The following MYO1E variants were observed in gnomAD, a reference collection of about 807,000 sequenced individuals.
MYO1E encodes unconventional myosin-Ie.
MYO1E carries 68 observed loss-of-function variants against 151.1 expected under a neutral mutation model. The ratio of observed to expected loss-of-function variants is 0.45; its 90% CI spans 0.37 to 0.55. MYO1E has a LOEUF of 0.55. MYO1E is among the 20% of genes least tolerant of loss of function. The pLI is 0.00. For missense variants in MYO1E, 1,363 were observed against 1,389.3 expected, an observed-to-expected ratio of 0.98 and a Z score of 0.30; for synonymous variants, 601 against 501.7, an observed-to-expected ratio of 1.20 and a Z score of -2.64.
chr15:59,265,967 TA>T (rs1566996329), intron 2 of MYO1E, among the ~76,000 whole-genome samples: 1 of 151,004 alleles, frequency 6.6e-6, no homozygotes, highest in Non-Finnish European at 1.5e-5. Flanking sequence ...TAAAATAAAA[TA>T]AAAAATTTAA....
intron 5 of MYO1E, among the ~76,000 whole-genome samples, chr15:59,236,111 G>T (rs2080061327): frequency 6.6e-6 from 1 of 151,918 alleles, no homozygotes; most frequent in Non-Finnish European, 1.5e-5. Flanking sequence ...GGAGGCCGAG[G>T]AGGGCAGATC....
intron 1 of MYO1E, among the ~76,000 whole-genome samples, chr15:59,300,987 C>A (rs961070576): frequency 1.1e-4 from 16 of 151,354 alleles, no homozygotes; most frequent in Non-Finnish European, 1.8e-4. Context: ...CCTGCCTCAG[C>A]CTCTGGAGTA....
intron 2 of MYO1E, among the ~76,000 whole-genome samples, chr15:59,267,834 A>G (rs1224172136): frequency 1.3e-5 from 2 of 152,250 alleles, no homozygotes; most frequent in Non-Finnish European, 2.9e-5. Flanking sequence ...AACATTGATG[A>G]CAAACAGATG....
intron 1 of MYO1E, among the ~76,000 whole-genome samples, chr15:59,321,066 G>GT (rs1456560239): frequency 1.3e-5 from 2 of 152,040 alleles, no homozygotes; most frequent in African/African-American, 4.8e-5. Flanking sequence ...CGTACAAACT[G>GT]TTAAAAAAAT....
chr15:59,182,754 C>T (rs1364562095), intron 18 of MYO1E, among the ~76,000 whole-genome samples: 2 of 152,162 alleles, frequency 1.3e-5, no homozygotes, highest in Admixed American at 1.3e-4. Context: ...ATGAAGCTGG[C>T]ATGGCACTCG....
At chr15:59,194,078 G>A (rs1388330446) in intron 17 of MYO1E, among the ~76,000 whole-genome samples, 1 of 152,056 alleles carries the variant, frequency 6.6e-6, no homozygotes, top group Non-Finnish European at 1.5e-5. Context: ...GGAGGCTGAG[G>A]CAGGAGAATC....
rs755931407 is a variant in MYO1E, at chr15:59,207,965, G to C, written c.1530+716C>G. ...GAAGAAGTATTCCTCAGTATTCCTTGTATCCTGGGAGAGAACGGTATTACC... is the reference window on the plus strand; with the variant it reads ...GAAGAAGTATTCCTCAGTATTCCTTCTATCCTGGGAGAGAACGGTATTACC... On this transcript the variant is annotated intron_variant, in intron 14 of 27. Transcript: ENST00000288235. 5 of 1,614,070 alleles carry C rather than the reference G, an allele frequency of 3.1e-6. No homozygotes were observed. In the East Asian group the frequency reaches 1.1e-4, roughly 36 times the overall value.
chr15:59,227,382 C>G, intron 7 of MYO1E, 77 bp downstream of exon 7: 3 of 1,572,676 alleles, frequency 1.9e-6, no homozygotes, highest in Non-Finnish European at 2.6e-6. Flanking sequence ...AGACTATAGT[C>G]TATGCCTGAA....
intron 1 of MYO1E, among the ~76,000 whole-genome samples, chr15:59,299,857 A>C (rs2080471705): frequency 1.3e-5 from 2 of 152,326 alleles, no homozygotes; most frequent in East Asian, 3.9e-4. Flanking sequence ...ATTTAAATTA[A>C]GTTGATTAGA....
rs762819433 is a variant in MYO1E, at chr15:59,174,156, G to A, written c.2134C>T (p.Arg712Trp). 57 of 1,613,576 alleles carry A rather than the reference G, an allele frequency of 3.5e-5. No individual in the cohort carries two copies. The highest frequency in any genetic ancestry group is 4.5e-5 in the Non-Finnish European group (53 of 1,179,862). ...IQKSWRKFVA[R>W]KKYVQMREEA... ...TCTCTCATTTGAACGTATTTCTTCC[G>A]GGCCACGAATTTCCTCCATGATTTC... Residue 712 changes from arginine to tryptophan, a missense_variant, in exon 20 of 28, where the codon CGG becomes TGG. Arg to Trp is a moderately radical substitution (Grantham distance 101, BLOSUM62 -3). Transcript: ENST00000288235.
rs149905552 is a variant in MYO1E, at chr15:59,151,347, T to G, written c.3080+2243A>C. ...CAGGAGGTTGACGCAGGACAGTCACTTGAACCCAGGACATGGAGGTTGCAG... is the reference window on the plus strand; with the variant it reads ...CAGGAGGTTGACGCAGGACAGTCACGTGAACCCAGGACATGGAGGTTGCAG... On this transcript the variant is annotated intron_variant, in intron 26 of 27. Coordinates refer to ENST00000288235, the MANE Select transcript of MYO1E (RefSeq NM_004998.4). 7.3e-3 allele frequency among the ~76,000 whole-genome samples: 1,108 copies of G among 152,110 alleles called. 19 individuals are homozygous for G. Among genetic ancestry groups the G allele is most frequent in the Non-Finnish European group, 6.7e-3 (458 of 67,980 alleles).
chr15:59,137,439 T>C lies in MYO1E; in HGVS notation c.3268A>G (p.Thr1090Ala), dbSNP rs1179492897. 6.2e-7 allele frequency: 1 copy of C among 1,614,054 alleles called. No homozygotes were observed. Among genetic ancestry groups the C allele is most frequent in the East Asian group, 2.2e-5 (1 of 44,886 alleles). Residue 1090 changes from threonine (T) to alanine (A), a missense_variant, in exon 28 of 28, where the codon ACG (threonine) becomes GCG (alanine). Transcript: ENST00000288235. ...CCCTGCTTGCCTCGTAGTCGACCCG[T>C]CCACCAGCCAGAAGGATCTGCAGGG... is the stretch of plus-strand genomic sequence containing the variant. ...IIKEDPSGWW[T>A]GRLRGKQGLF...
At chr15:59,263,541 T>C (rs1026236559) in intron 2 of MYO1E, among the ~76,000 whole-genome samples, 1 of 152,228 alleles carries the variant, frequency 6.6e-6, no homozygotes, top group African/African-American at 2.4e-5. Context: ...ATGGATCATA[T>C]AATCATATAA....
chr15:59,214,733 A>G lies in MYO1E; in HGVS notation c.1108-13T>C. The G allele has an allele frequency of 2.5e-6, 4 of 1,603,272 alleles. No individual in the cohort carries two copies. The highest frequency in any genetic ancestry group is 3.4e-6 in the Non-Finnish European group (4 of 1,170,208). On this transcript the variant is annotated splice_polypyrimidine_tract_variant and intron_variant, in intron 10 of 27. Coordinates refer to ENST00000288235, the MANE Select transcript of MYO1E (RefSeq NM_004998.4). ...CTTTATTGATGGACTAGAGAAAGTA[A>G]ACAGCATGGCAGTGAACTCCTTTCC...
chr15:59,306,776 G>A (rs1041074611), intron 1 of MYO1E, among the ~76,000 whole-genome samples: 4 of 152,174 alleles, frequency 2.6e-5, no homozygotes, highest in Admixed American at 2.6e-4. Context: ...TGGATATTAG[G>A]GACTGACACG....
chr15:59,344,636 C>A (rs370295091), intron 1 of MYO1E, among the ~76,000 whole-genome samples: 3 of 152,212 alleles, frequency 2.0e-5, no homozygotes, highest in African/African-American at 7.2e-5. Flanking sequence ...ATCAGGGAAC[C>A]AGGGTCTGGA....
intron 1 of MYO1E, among the ~76,000 whole-genome samples, chr15:59,311,804 G>A (rs1212357291): frequency 6.6e-6 from 1 of 152,178 alleles, no homozygotes; most frequent in East Asian, 1.9e-4. Flanking sequence ...ATAAATGGAT[G>A]CTGTTATTGT....
rs141931500 is a variant in MYO1E at position 59,339,819 on chromosome 15, C to G, written c.3+32679G>C. On this transcript the variant is annotated intron_variant, in intron 1 of 27. Transcript: ENST00000288235. The stretch of plus-strand genomic sequence containing the variant: ...CCTAGACAATATAGCGAGATACCTT[C>G]TCTACAAAATTTTATATATACATAC... Among the ~76,000 whole-genome samples, 75 of 151,810 alleles carry G rather than the reference C, an allele frequency of 4.9e-4. No individual in the cohort carries two copies. The East Asian group carries it at 0.013, about 27-fold the overall frequency.
intron 4 of MYO1E, among the ~76,000 whole-genome samples, chr15:59,237,422 A>T (rs1366637116): frequency 1.3e-5 from 2 of 152,312 alleles, no homozygotes; most frequent in East Asian, 3.9e-4. Context: ...TTAATAATAT[A>T]TAGTCTGCTC....
Sources: allele counts gnomAD v4.1 joint callset (sites outside exome capture counted in the v4.1 genomes callset), GRCh38; gene constraint gnomAD v4.1.1; transcripts MANE v1.5; gene names NCBI Gene and HGNC (gene_info 2026-07-23, HGNC 2026-07-21).